LAMC1: variants seen among roughly 807,000 people sequenced by gnomAD.
LAMC1 encodes the protein laminin subunit gamma 1, also known as laminin subunit gamma-1.
In LAMC1, 38 loss-of-function variants were observed where a neutral mutation model predicts 173.6. That is an observed-to-expected ratio of 0.22 (90% CI 0.17 to 0.29). The LOEUF is 0.29. LAMC1 is among the 10% of genes least tolerant of loss of function. The probability of loss-of-function intolerance (pLI) is 1.00; values close to 1 mark genes in which losing one functional copy is unlikely to be tolerated. For synonymous variants in LAMC1, 746 were observed against 749.1 expected, an observed-to-expected ratio of 1.00 and a Z score of 0.07; for missense variants, 1,824 against 2,051.8, an observed-to-expected ratio of 0.89 and a Z score of 2.14.
In LAMC1 at chr1:183,124,716, G is replaced by A; in HGVS notation, c.2487G>A (p.Gln829=). ...NGPVRLCRLC[Q]CSDNIDPNAV... ...CTGTGAGACTTTGCCGCCTGTGCCA[G>A]TGCAGTGACAACATCGATCCCAATG... The change falls in exon 14 of 28, where the codon CAG becomes CAA. Residue 829 remains glutamine (Q), a synonymous_variant. Transcript: ENST00000258341. The A allele has an allele frequency of 1.2e-6, 2 of 1,614,258 alleles. No homozygotes were observed. The highest frequency in any genetic ancestry group is 1.7e-6 in the Non-Finnish European group (2 of 1,180,046).
Position 183,023,573 on chromosome 1 carries a change from C to T in LAMC1, c.-144C>T. The T allele has an allele frequency of 2.0e-6, 1 of 503,396 alleles. No individual in the cohort carries two copies. The highest frequency in any genetic ancestry group is 2.8e-6 in the Non-Finnish European group (1 of 360,066). The allele number at this position is 503,396 out of a possible 1,614,324, so 31.2% of individuals were successfully genotyped here. On this transcript the variant is annotated 5_prime_UTR_variant, in exon 1 of 28. Transcript: ENST00000258341. ...CGCCCACCCGTCAGTCTCTCCGGCG[C>T]GAGCCGCCGCCACCGCCCGCGCCGG...
At position 183,023,515 on chromosome 1, in the gene LAMC1, G is replaced by T. The variant is rs533461907; in HGVS notation, c.-202G>T. On this transcript the variant is annotated 5_prime_UTR_variant, in exon 1 of 28. Coordinates refer to ENST00000258341, the MANE Select transcript of LAMC1 (RefSeq NM_002293.4). ...AGCGCGGAGGCGGCGCGCGGGGGCA[G>T]TGGTCGGCGAGCAGCGCGGTCCTCG... The T allele has an allele frequency of 1.2e-3, 307 of 254,698 alleles. 1 individual carries two copies. Among genetic ancestry groups the T allele is most frequent in the African/African-American group, 5.2e-3 (226 of 43,882 alleles). 15.8% of individuals were successfully genotyped at this position (254,698 alleles called of 1,614,324 possible). A position where few individuals can be genotyped will look rare whatever the true frequency, so the allele number is the denominator to read the frequency against.
At chr1:183,096,142 G>T (rs187047608) in intron 1 of LAMC1, among the ~76,000 whole-genome samples, 1 of 152,204 alleles carries the variant, frequency 6.6e-6, no homozygotes, top group Non-Finnish European at 1.5e-5. Flanking sequence ...CATTAGGTTA[G>T]TGCTGTGATC....
At chr1:183,060,402 A>T (rs986493524) in intron 1 of LAMC1, among the ~76,000 whole-genome samples, 74 of 152,136 alleles carry the variant, frequency 4.9e-4, no homozygotes, top group African/African-American at 1.8e-3. Context: ...AGAAAAAAAA[A>T]AAAAAAGCAA....
chr1:183,068,015 A>C (rs1390169458), intron 1 of LAMC1, among the ~76,000 whole-genome samples: 2 of 152,210 alleles, frequency 1.3e-5, no homozygotes, highest in Non-Finnish European at 2.9e-5. Context: ...ATTGGAGTCC[A>C]TTAACCCAAG....
At chr1:183,054,148 G>A (rs10752891) in intron 1 of LAMC1, among the ~76,000 whole-genome samples, 76,348 of 151,994 alleles carry the variant, frequency 0.5, 19,806 homozygotes, top group South Asian at 0.64. Context: ...CATTTGTAAG[G>A]CTAGCATCAT....
At chr1:183,027,514 C>A (rs1653721241) in intron 1 of LAMC1, among the ~76,000 whole-genome samples, 1 of 152,034 alleles carries the variant, frequency 6.6e-6, no homozygotes, top group South Asian at 2.1e-4. Flanking sequence ...CAGACAGGAT[C>A]CTAATCTTGA....
intron 14 of LAMC1, 118 bp downstream of exon 14, chr1:183,124,994 C>A: frequency 7.5e-7 from 1 of 1,327,962 alleles, no homozygotes; most frequent in Non-Finnish European, 1.0e-6. Flanking sequence ...TTGTGAACCG[C>A]TTTTGTCTTT....
chr1:183,131,424 A>ACGG, intron 20 of LAMC1, 46 bp downstream of exon 20: 2 of 1,058,520 alleles, frequency 1.9e-6, no homozygotes, highest in Non-Finnish European at 1.4e-6. Context: ...GGCTTCTGTT[A>ACGG]TGGGGTGTGT....
chr1:183,083,766 A>G (rs1655350736), intron 1 of LAMC1, among the ~76,000 whole-genome samples: 1 of 152,214 alleles, frequency 6.6e-6, no homozygotes. Flanking sequence ...TTAACATTTT[A>G]CGGGACAATT....
chr1:183,079,665 G>A (rs1012812266), intron 1 of LAMC1, among the ~76,000 whole-genome samples: 1 of 152,102 alleles, frequency 6.6e-6, no homozygotes. Context: ...AACAAAAATA[G>A]CTTTCATTGA....
chr1:183,093,083 G>A (rs1407899684), intron 1 of LAMC1, among the ~76,000 whole-genome samples: 1 of 152,172 alleles, frequency 6.6e-6, no homozygotes, highest in East Asian at 1.9e-4. Flanking sequence ...GTTCAGTGTT[G>A]CAGTGAGCTA....
At chr1:183,141,887 A>G (rs985056544) in intron 27 of LAMC1, among the ~76,000 whole-genome samples, 2 of 152,248 alleles carry the variant, frequency 1.3e-5, no homozygotes, top group Admixed American at 6.5e-5. Context: ...AATCAAGTCA[A>G]GTATGCATGA....
At chr1:183,126,300 C>T in intron 16 of LAMC1, 38 bp downstream of exon 16, 2 of 1,602,046 alleles carry the variant, frequency 1.2e-6, no homozygotes, top group South Asian at 2.3e-5. Context: ...TAAGCTTCCA[C>T]TAATTCCAGT....
intron 2 of LAMC1, among the ~76,000 whole-genome samples, chr1:183,105,505 C>A (rs537866932): frequency 1.3e-5 from 2 of 152,246 alleles, no homozygotes; most frequent in East Asian, 3.9e-4. Context: ...ACCCAGTCAG[C>A]CTGTCTTGAG....
chr1:183,039,080 A>G (rs1654058449), intron 1 of LAMC1, among the ~76,000 whole-genome samples: 3 of 152,176 alleles, frequency 2.0e-5, no homozygotes, highest in African/African-American at 7.2e-5. Context: ...AGTGGTTCCC[A>G]TCCATCATAC....
rs749344488 is a variant in LAMC1 at position 183,124,896 on chromosome 1, AT to A, written c.2647+22del. 1.9e-5 allele frequency: 31 copies of A among 1,610,372 alleles called. No individual in the cohort carries two copies. The highest frequency in any genetic ancestry group is 2.4e-5 in the Non-Finnish European group (28 of 1,177,040). On this transcript the variant is annotated intron_variant, in intron 14 of 27. Transcript: ENST00000258341. ...GCAAAGGTAATCAGCCTTTGATCAG[AT>A]TCTGTCACAGCTAAATGCCCCTTTA...
chr1:183,136,067 C>T (rs577919463), intron 24 of LAMC1, among the ~76,000 whole-genome samples: 3 of 152,090 alleles, frequency 2.0e-5, no homozygotes, highest in South Asian at 2.1e-4. Context: ...ACTCAGTACC[C>T]GACACACAGT....
At chr1:183,133,758 A>C (rs1356677232) in intron 22 of LAMC1, among the ~76,000 whole-genome samples, 1 of 152,198 alleles carries the variant, frequency 6.6e-6, no homozygotes, top group Non-Finnish European at 1.5e-5. Context: ...AGGTGGGAGG[A>C]TTCCTTGAGG....
Sources: allele counts gnomAD v4.1 joint callset (sites outside exome capture counted in the v4.1 genomes callset), GRCh38; gene constraint gnomAD v4.1.1; transcripts MANE v1.5; gene names NCBI Gene and HGNC (gene_info 2026-07-23, HGNC 2026-07-21).